The following SUCLG2 variants were observed in gnomAD, a reference collection of about 807,000 sequenced individuals.
SUCLG2 encodes the protein succinate--CoA ligase [GDP-forming] subunit beta, mitochondrial.
In SUCLG2, 42 loss-of-function variants were observed where a neutral mutation model predicts 47.9. That is an observed-to-expected ratio of 0.88 (90% CI 0.69 to 1.14). The LOEUF (loss-of-function observed/expected upper bound fraction) is 1.14. Among genes scored for constraint, SUCLG2 ranks in the 50% most tolerant of loss-of-function variants. The pLI is 0.00. For missense variants in SUCLG2, 571 were observed against 525.9 expected (o/e 1.09, Z -0.84); for synonymous variants, 195 against 197.3 (o/e 0.99, Z 0.10).
chr3:67,367,371 T>C (rs138534296), intron 10 of SUCLG2, among the ~76,000 whole-genome samples: 14 of 152,324 alleles, frequency 9.2e-5, no homozygotes, highest in African/African-American at 3.1e-4. Flanking sequence ...TGTAAATTAG[T>C]TCAAGATCTC....
chr3:67,451,729 GA>G (rs1314775474), intron 9 of SUCLG2, among the ~76,000 whole-genome samples: 1 of 152,148 alleles, frequency 6.6e-6, no homozygotes, highest in African/African-American at 2.4e-5. Context: ...AAATATCTCA[GA>G]ATGTCTGTAA....
intron 1 of SUCLG2, among the ~76,000 whole-genome samples, chr3:67,619,848 C>T (rs924319624): frequency 2.0e-5 from 3 of 152,168 alleles, no homozygotes; most frequent in Non-Finnish European, 2.9e-5. Context: ...CATATTAGCA[C>T]AACAGCAGAA....
At chr3:67,378,828 A>G (rs1702090422) in intron 10 of SUCLG2, among the ~76,000 whole-genome samples, 1 of 152,230 alleles carries the variant, frequency 6.6e-6, no homozygotes, top group African/African-American at 2.4e-5. Context: ...ATAGCAGGCT[A>G]AGGAATTTAG....
chr3:67,618,993 T>A (rs145842003), intron 1 of SUCLG2, among the ~76,000 whole-genome samples: 103 of 152,350 alleles, frequency 6.8e-4, no homozygotes, highest in African/African-American at 2.4e-3. Flanking sequence ...TAGTGCCACA[T>A]GTCTTATCTA....
At chr3:67,373,852 G>A (rs575979286), downstream of SUCLG2, among the ~76,000 whole-genome samples, 5 of 152,270 alleles carry the variant, frequency 3.3e-5, no homozygotes, top group South Asian at 8.3e-4. Context: ...AAAATGGCCT[G>A]CCTGAGAATA....
chr3:67,468,758 A>T (rs761069781), intron 9 of SUCLG2, among the ~76,000 whole-genome samples: 1 of 152,186 alleles, frequency 6.6e-6, no homozygotes, highest in Non-Finnish European at 1.5e-5. Context: ...AGTCATGTGA[A>T]CCCACTGAAG....
At chr3:67,596,655 T>G (rs1325771324) in intron 2 of SUCLG2, among the ~76,000 whole-genome samples, 1 of 152,162 alleles carries the variant, frequency 6.6e-6, no homozygotes, top group African/African-American at 2.4e-5. Context: ...TTTGTAGTCA[T>G]CCTTGTGCCC....
At chr3:67,422,061 C>T (rs576082453) in intron 9 of SUCLG2, among the ~76,000 whole-genome samples, 1 of 152,248 alleles carries the variant, frequency 6.6e-6, no homozygotes, top group African/African-American at 2.4e-5. Context: ...AAATGCAGAA[C>T]AGAACTGAAT....
At chr3:67,448,776 A>C (rs1703987321) in intron 9 of SUCLG2, among the ~76,000 whole-genome samples, 1 of 152,358 alleles carries the variant, frequency 6.6e-6, no homozygotes, top group Non-Finnish European at 1.5e-5. Context: ...ACACTTTTAC[A>C]ATGTTTAAAC....
rs549736651 is a variant in SUCLG2 at position 67,450,967 on chromosome 3, C to T, written c.1062+44831G>A. ...TCCATCAGGTAGCGTTTATTGAGCG[C>T]TTACTCTGTGCTAGGCCTTGTCCTA... On this transcript the variant is annotated intron_variant, in intron 9 of 10. Coordinates refer to ENST00000307227, the MANE Select transcript of SUCLG2 (RefSeq NM_003848.4). Among the ~76,000 whole-genome samples the T allele has an allele frequency of 2.4e-4, 37 of 152,290 alleles. No individual in the cohort carries two copies. In the South Asian group the frequency reaches 7.5e-3, roughly 31 times the overall value.
At chr3:67,437,000 T>C (rs1396174211) in intron 9 of SUCLG2, among the ~76,000 whole-genome samples, 2 of 152,078 alleles carry the variant, frequency 1.3e-5, no homozygotes, top group African/African-American at 4.8e-5. Context: ...AGATAGGAAA[T>C]AGAAAAACAC....
intron 7 of SUCLG2, among the ~76,000 whole-genome samples, chr3:67,507,479 A>G (rs1044622533): frequency 3.9e-5 from 6 of 152,042 alleles, no homozygotes; most frequent in African/African-American, 1.4e-4. Context: ...TATTTTCACA[A>G]CACTCTATGA....
intron 9 of SUCLG2, among the ~76,000 whole-genome samples, chr3:67,436,604 C>G (rs1026653053): frequency 1.3e-5 from 2 of 152,128 alleles, no homozygotes; most frequent in African/African-American, 4.8e-5. Flanking sequence ...TACTATAGGA[C>G]TTTTACTAAG....
intron 10 of SUCLG2, among the ~76,000 whole-genome samples, chr3:67,377,706 T>C (rs1702063804): frequency 6.6e-6 from 1 of 152,154 alleles, no homozygotes; most frequent in Non-Finnish European, 1.5e-5. Context: ...CAAGATGGAG[T>C]GCAGTGGTGT....
intron 9 of SUCLG2, among the ~76,000 whole-genome samples, chr3:67,435,764 CATT>C (rs1703604360): frequency 6.6e-6 from 1 of 152,174 alleles, no homozygotes; most frequent in African/African-American, 2.4e-5. Flanking sequence ...GACAAGACAA[CATT>C]ATATGCTCAC....
At chr3:67,447,001 T>C (rs1703944407) in intron 9 of SUCLG2, among the ~76,000 whole-genome samples, 1 of 152,160 alleles carries the variant, frequency 6.6e-6, no homozygotes. Flanking sequence ...TTAACATTAG[T>C]TTTTTGAAAC....
intron 9 of SUCLG2, among the ~76,000 whole-genome samples, chr3:67,420,114 A>T (rs1298401407): frequency 1.3e-5 from 2 of 152,224 alleles, no homozygotes; most frequent in African/African-American, 2.4e-5. Context: ...TAAAGTACAT[A>T]CTTGCCATCC....
intron 2 of SUCLG2, among the ~76,000 whole-genome samples, chr3:67,534,574 T>A (rs942794654): frequency 3.3e-5 from 5 of 151,680 alleles, no homozygotes; most frequent in Non-Finnish European, 5.9e-5. Flanking sequence ...GTGATAAAAT[T>A]TTTAAAGGTA....
chr3:67,631,540 T>C (rs1235836939), intron 1 of SUCLG2, among the ~76,000 whole-genome samples: 1 of 152,038 alleles, frequency 6.6e-6, no homozygotes, highest in East Asian at 1.9e-4. Flanking sequence ...GGCATAGGAA[T>C]CGTTTGAACC....
Sources: gnomAD v4.1 joint callset for allele counts (sites outside exome capture counted in the v4.1 genomes callset) on GRCh38, gnomAD v4.1.1 for gene constraint, MANE v1.5 for transcripts, NCBI Gene and HGNC (gene_info 2026-07-23, HGNC 2026-07-21) for gene names.